Variants in STOX1 observed in about 807,000 individuals in gnomAD.
The protein encoded by STOX1 is storkhead-box protein 1.
Under a neutral mutation model 74.8 loss-of-function variants are expected in STOX1, and 57 were observed. The ratio of observed to expected loss-of-function variants is 0.76; its 90% CI spans 0.62 to 0.95. The LOEUF is 0.95. Among genes scored for constraint, STOX1 ranks in the 40% least tolerant of loss-of-function variants. The pLI is 0.00. For synonymous variants in STOX1, 375 were observed against 401.3 expected, an observed-to-expected ratio of 0.93 and a Z score of 0.78; for missense variants, 1,010 against 1,117.0, an observed-to-expected ratio of 0.90 and a Z score of 1.37.
intron 1 of STOX1, among the ~76,000 whole-genome samples, chr10:68,851,897 G>T (rs1217202633): frequency 1.3e-5 from 2 of 152,126 alleles, no homozygotes; most frequent in Non-Finnish European, 2.9e-5. Flanking sequence ...ACTTTGGAAG[G>T]CCGAGGCGGG....
chr10:68,865,781 A>AT (rs527862115), intron 1 of STOX1, among the ~76,000 whole-genome samples: 173 of 152,204 alleles, frequency 1.1e-3, no homozygotes, highest in Middle Eastern at 3.4e-3. Context: ...CATTTACCTG[A>AT]TTTTTTCTTA....
At chr10:68,879,991 A>G (rs2131989118) in intron 1 of STOX1, among the ~76,000 whole-genome samples, 1 of 152,066 alleles carries the variant, frequency 6.6e-6, no homozygotes, top group East Asian at 1.9e-4. Context: ...GCATACTGGG[A>G]CCATTGTTCA....
chr10:68,852,501 A>G (rs1840013716), intron 1 of STOX1, among the ~76,000 whole-genome samples: 1 of 150,664 alleles, frequency 6.6e-6, no homozygotes, highest in Non-Finnish European at 1.5e-5. Flanking sequence ...CTCATGATCC[A>G]CCAGCCTCGG....
intron 1 of STOX1, among the ~76,000 whole-genome samples, chr10:68,865,270 G>A (rs924067059): frequency 3.3e-5 from 5 of 152,200 alleles, no homozygotes; most frequent in African/African-American, 4.8e-5. Context: ...GTTGTTTACC[G>A]CAGGAATCGT....
Position 68,845,521 on chromosome 10 carries a change from G to A in STOX1, c.310+17588G>A, listed in dbSNP as rs185938872. On this transcript the variant is annotated intron_variant, in intron 1 of 3. Transcript: ENST00000298596. Reference sequence around the variant, plus strand: ...GATCTCCTGACCTCGTGATCCACCTGCCTCGGCCTCCCAAAGTGCTGGAAT... The same window carrying A: ...GATCTCCTGACCTCGTGATCCACCTACCTCGGCCTCCCAAAGTGCTGGAAT... Among the ~76,000 whole-genome samples the A allele has an allele frequency of 1.7e-3, 260 of 151,652 alleles. 6 individuals are homozygous for A. The East Asian group carries it at 0.04, about 23-fold the overall frequency.
In STOX1 at chr10:68,875,951, T is replaced by C. The variant is rs184442299; in HGVS notation, c.311-6007T>C. 2.8e-4 allele frequency among the ~76,000 whole-genome samples: 43 copies of C among 152,278 alleles called. No individual in the cohort carries two copies. In the East Asian group the frequency reaches 4.8e-3, roughly 17 times the overall value. Reference sequence around the variant, plus strand: ...AGAGCTCAGTATTTTCATTTGTGAATTGGGCATCCACATGCTACATTTAAT... The same window carrying C: ...AGAGCTCAGTATTTTCATTTGTGAACTGGGCATCCACATGCTACATTTAAT... On this transcript the variant is annotated intron_variant, in intron 1 of 3. Transcript: ENST00000298596.
intron 1 of STOX1, among the ~76,000 whole-genome samples, chr10:68,849,095 C>A (rs1456676606): frequency 6.6e-6 from 1 of 152,206 alleles, no homozygotes; most frequent in East Asian, 1.9e-4. Flanking sequence ...CTTCGGCCAT[C>A]TTGATTTCAT....
chr10:68,840,550 TTTTA>T (rs59043042), intron 1 of STOX1, among the ~76,000 whole-genome samples: 1 of 151,190 alleles, frequency 6.6e-6, no homozygotes, highest in Non-Finnish European at 1.5e-5. Flanking sequence ...GGTTATTTTG[TTTTA>T]TTTATTTATT....
At chr10:68,879,051 C>T (rs987337904) in intron 1 of STOX1, among the ~76,000 whole-genome samples, 4 of 152,114 alleles carry the variant, frequency 2.6e-5, no homozygotes, top group African/African-American at 9.7e-5. Context: ...TCAGAATCCA[C>T]GTTAGCAAGA....
intron 1 of STOX1, among the ~76,000 whole-genome samples, chr10:68,866,625 A>T (rs1256669224): frequency 6.6e-6 from 1 of 152,186 alleles, no homozygotes; most frequent in African/African-American, 2.4e-5. Flanking sequence ...TCCTGTATGA[A>T]CCTGCACCCC....
At chr10:68,855,541 C>T (rs534822547) in intron 1 of STOX1, among the ~76,000 whole-genome samples, 10 of 151,770 alleles carry the variant, frequency 6.6e-5, no homozygotes, top group African/African-American at 1.5e-4. Context: ...CCAGCTTAAG[C>T]GATCCTCCCG....
intron 1 of STOX1, among the ~76,000 whole-genome samples, chr10:68,879,270 C>T (rs1840752143): frequency 6.6e-6 from 1 of 151,992 alleles, no homozygotes; most frequent in African/African-American, 2.4e-5. Context: ...TTCCACCCGC[C>T]ATCCTCTCAT....
intron 2 of STOX1, 113 bp from the exon 3 acceptor site, chr10:68,884,147 A>T: frequency 1.1e-6 from 1 of 938,770 alleles, no homozygotes; most frequent in Non-Finnish European, 1.7e-6. Context: ...GTATTATGTT[A>T]CAATCAGCTC....
intron 3 of STOX1, among the ~76,000 whole-genome samples, chr10:68,889,893 C>T (rs191020018): frequency 2.0e-4 from 31 of 152,040 alleles, no homozygotes; most frequent in Non-Finnish European, 4.1e-4. Context: ...CCTCAGCCTC[C>T]TGAGTGGCTG....
chr10:68,839,912 A>G (rs548863386), intron 1 of STOX1, among the ~76,000 whole-genome samples: 2 of 152,186 alleles, frequency 1.3e-5, no homozygotes, highest in Admixed American at 1.3e-4. Flanking sequence ...AACCACACAC[A>G]CACAAACAAA....
At chr10:68,892,525 T>C (rs1337074226) in intron 3 of STOX1, 64 bp from the exon 4 acceptor site, 1 of 1,470,898 alleles carries the variant, frequency 6.8e-7, no homozygotes, top group African/African-American at 1.4e-5. Flanking sequence ...GGAAGTATAA[T>C]GCCTTGGTTA....
intron 1 of STOX1, among the ~76,000 whole-genome samples, chr10:68,836,785 C>T (rs1589215178): frequency 1.3e-5 from 2 of 152,236 alleles, no homozygotes; most frequent in South Asian, 4.1e-4. Flanking sequence ...CCTAGCTTGG[C>T]CCTGGCCTCA....
chr10:68,892,752 C>T lies in STOX1; in HGVS notation c.*16C>T, dbSNP rs777251142. ...AAACGTTTAATTTTCTTTTGGAAAC[C>T]TACTTTTTTCTTTATAAAAAGGTAG... On this transcript the variant is annotated 3_prime_UTR_variant, in exon 4 of 4. Coordinates refer to ENST00000298596, the MANE Select transcript of STOX1 (RefSeq NM_152709.5). 1 of 1,611,052 alleles carries T rather than the reference C, an allele frequency of 6.2e-7. No individual in the cohort carries two copies. Among genetic ancestry groups the T allele is most frequent in the Admixed American group, 1.7e-5 (1 of 59,910 alleles).
At chr10:68,867,020 C>T (rs973532929) in intron 1 of STOX1, among the ~76,000 whole-genome samples, 1 of 148,650 alleles carries the variant, frequency 6.7e-6, no homozygotes, top group Non-Finnish European at 1.5e-5. Context: ...ATCTCAGTCA[C>T]TGCAAGCTCC....
Sources: allele counts gnomAD v4.1 joint callset (sites outside exome capture counted in the v4.1 genomes callset), GRCh38; gene constraint gnomAD v4.1.1; transcripts MANE v1.5; gene names NCBI Gene and HGNC (gene_info 2026-07-23, HGNC 2026-07-21).